Variants in ADAP2 observed in about 807,000 individuals in gnomAD.
ADAP2 encodes the protein ArfGAP with dual PH domains 2, also known as arf-GAP with dual PH domain-containing protein 2.
ADAP2 carries 42 observed loss-of-function variants against 54.9 expected under a neutral mutation model. The observed-to-expected ratio is 0.77, with a 90% CI of 0.60 to 0.99. The LOEUF (loss-of-function observed/expected upper bound fraction) is 0.99. ADAP2 is among the 50% of genes least tolerant of loss of function. The probability of loss-of-function intolerance (pLI) is 0.00; values close to 1 mark genes in which losing one functional copy is unlikely to be tolerated. For synonymous variants in ADAP2, 177 were observed against 180.1 expected, an observed-to-expected ratio of 0.98 and a Z score of 0.14; for missense variants, 429 against 480.4, an observed-to-expected ratio of 0.89 and a Z score of 1.00.
chr17:30,925,906 T>G (rs1014737831), intron 2 of ADAP2, among the ~76,000 whole-genome samples: 2 of 152,042 alleles, frequency 1.3e-5, no homozygotes, highest in Non-Finnish European at 2.9e-5. Flanking sequence ...AATTTTTGTA[T>G]TTTTTTAGTA....
At position 30,926,981 on chromosome 17, in the gene ADAP2, C is replaced by T. The variant is rs932317876; in HGVS notation, c.317+63C>T. On this transcript the variant is annotated intron_variant, in intron 3 of 10. Coordinates refer to ENST00000330889, the MANE Select transcript of ADAP2 (RefSeq NM_018404.3). The stretch of plus-strand genomic sequence containing the variant: ...TGTCCTGGTTCCACCTCCTCCCCCT[C>T]TCCATCTTTGGTGTCTTCATCTGTG... The T allele has an allele frequency of 3.1e-6, 4 of 1,310,156 alleles. No individual in the cohort carries two copies. The Admixed American group carries it at 7.2e-5, about 24-fold the overall frequency. The allele number at this position is 1,310,156 out of a possible 1,614,324, so 81.2% of individuals were successfully genotyped here.
At chr17:30,922,897 C>T (rs373719879) in intron 1 of ADAP2, 43 bp from the exon 2 acceptor site, 15 of 1,601,878 alleles carry the variant, frequency 9.4e-6, no homozygotes, top group Non-Finnish European at 8.5e-6. Flanking sequence ...GGTTTCTTCA[C>T]CGCGCTTTCC....
chr17:30,935,121 C>G (rs1010761553), intron 5 of ADAP2, among the ~76,000 whole-genome samples: 2 of 152,094 alleles, frequency 1.3e-5, no homozygotes, highest in Non-Finnish European at 2.9e-5. Flanking sequence ...AATCCCAGCA[C>G]TTTGGGAGGC....
chr17:30,940,506 T>C (rs1315727113), intron 5 of ADAP2, among the ~76,000 whole-genome samples: 1 of 152,102 alleles, frequency 6.6e-6, no homozygotes, highest in Non-Finnish European at 1.5e-5. Flanking sequence ...GGTTTCACCA[T>C]GTTGGCCAGG....
rs1223929619 is a variant in ADAP2, at chr17:30,939,982, G to T, written c.511-4925G>T. On this transcript the variant is annotated intron_variant, in intron 5 of 10. Coordinates refer to ENST00000330889, the MANE Select transcript of ADAP2 (RefSeq NM_018404.3). The stretch of plus-strand genomic sequence containing the variant: ...TTTGTTTTTTTATGCTGTTTTCTGA[G>T]ACAGGGTCTTGCTCTTTCACCAAGG... Among the ~76,000 whole-genome samples, 3 of 151,964 alleles carry T rather than the reference G, an allele frequency of 2.0e-5. No individual in the cohort carries two copies. The East Asian group carries it at 5.8e-4, about 29-fold the overall frequency.
intron 4 of ADAP2, 27 bp from the exon 5 acceptor site, chr17:30,934,158 C>T (rs1413712032): frequency 6.3e-7 from 1 of 1,585,074 alleles, no homozygotes; most frequent in South Asian, 1.1e-5. Context: ...CACGTGTGTT[C>T]ACGCTTTGTC....
In ADAP2 at chr17:30,956,399, G is replaced by T. The variant is rs752841455; in HGVS notation, c.1041G>T (p.Lys347Asn). The T allele has an allele frequency of 1.2e-6, 2 of 1,614,218 alleles. No homozygotes were observed. The highest frequency in any genetic ancestry group is 2.7e-5 in the African/African-American group (2 of 75,052). Residue 347 changes from lysine to asparagine, a missense_variant, in exon 10 of 11, where the codon AAG becomes AAT. Coordinates refer to ENST00000330889, the MANE Select transcript of ADAP2 (RefSeq NM_018404.3). Reference sequence around the variant, plus strand: ...TTGTCCTCACTTGCCCCAGTGAGAAGGAACAGCAGGAATGGCTGGAAAGTT... The same window carrying T: ...TTGTCCTCACTTGCCCCAGTGAGAATGAACAGCAGGAATGGCTGGAAAGTT... ...RRFVLTCPSE[K>N]EQQEWLESLR...
At chr17:30,941,549 C>G (rs1342996680) in intron 5 of ADAP2, among the ~76,000 whole-genome samples, 1 of 152,164 alleles carries the variant, frequency 6.6e-6, no homozygotes, top group Non-Finnish European at 1.5e-5. Flanking sequence ...GATGTCGTAT[C>G]CTTCTTAGTG....
At chr17:30,924,043 T>A (rs1910848189) in intron 2 of ADAP2, among the ~76,000 whole-genome samples, 1 of 152,076 alleles carries the variant, frequency 6.6e-6, no homozygotes, top group Admixed American at 6.6e-5. Flanking sequence ...AAGATGATTG[T>A]AGGCTCAGTC....
chr17:30,953,500 C>A, intron 8 of ADAP2, 150 bp downstream of exon 8: 1 of 720,510 alleles, frequency 1.4e-6, no homozygotes, highest in Non-Finnish European at 2.3e-6. Context: ...CAACCCAGGA[C>A]GGCTTGGAAT....
chr17:30,945,061 G>T lies in ADAP2; in HGVS notation c.657+8G>T, dbSNP rs751317855. The T allele has an allele frequency of 6.2e-7, 1 of 1,612,992 alleles. No homozygotes were observed. The highest frequency in any genetic ancestry group is 8.5e-7 in the Non-Finnish European group (1 of 1,179,646). ...TATCATGAAAGTGGGAAGGTGAGATGCCTGGAGTTGCCACCTCCGCCTCCA... is the reference window on the plus strand; with the variant it reads ...TATCATGAAAGTGGGAAGGTGAGATTCCTGGAGTTGCCACCTCCGCCTCCA... On this transcript the variant is annotated splice_region_variant and intron_variant, in intron 6 of 10. Transcript: ENST00000330889.
At chr17:30,952,028 C>G (rs756261733) in intron 7 of ADAP2, among the ~76,000 whole-genome samples, 49 of 152,186 alleles carry the variant, frequency 3.2e-4, no homozygotes, top group Non-Finnish European at 6.3e-4. Context: ...CCTCACTTCC[C>G]CTGTGCCTCT....
chr17:30,951,177 C>T (rs1190477796), intron 7 of ADAP2, among the ~76,000 whole-genome samples: 1 of 152,142 alleles, frequency 6.6e-6, no homozygotes, highest in Non-Finnish European at 1.5e-5. Flanking sequence ...GGTTTTGTCG[C>T]CATGGTGACA....
chr17:30,933,310 C>A (rs1322416321), intron 4 of ADAP2, among the ~76,000 whole-genome samples: 4 of 151,998 alleles, frequency 2.6e-5, no homozygotes, highest in Non-Finnish European at 5.9e-5. Context: ...GCCTCAGTCT[C>A]CCGAGTAGCT....
rs963813526 is a variant in ADAP2, at chr17:30,922,989, C to T, written c.144C>T (p.Cys48=). 3 of 1,614,032 alleles carry T rather than the reference C, an allele frequency of 1.9e-6. No individual in the cohort carries two copies. Among genetic ancestry groups the T allele is most frequent in the Non-Finnish European group, 1.7e-6 (2 of 1,179,992 alleles). The change falls in exon 2 of 11, where the codon TGC becomes TGT. Residue 48 remains cysteine (C), a synonymous_variant. Transcript: ENST00000330889. ...TGGGGATCTTCATCTGTCTCAACTG[C>T]TGCGGCGTCCACCGTAACTTCCCTG... The part of the protein sequence containing the change: ...YKLGIFICLN[C]CGVHRNFPDI...
At chr17:30,932,072 G>C in intron 4 of ADAP2, 104 bp downstream of exon 4, 1 of 1,082,178 alleles carries the variant, frequency 9.2e-7, no homozygotes, top group Non-Finnish European at 1.4e-6. Context: ...GATGCCTGCT[G>C]TTCTCACTGT....
At chr17:30,922,821 C>T (rs1910736351) in intron 1 of ADAP2, 119 bp from the exon 2 acceptor site, 3 of 1,199,734 alleles carry the variant, frequency 2.5e-6, no homozygotes, top group South Asian at 2.9e-5. Flanking sequence ...GCCAGGCTGG[C>T]CGCTTAGTTC....
chr17:30,944,760 A>G, intron 5 of ADAP2, 147 bp from the exon 6 acceptor site: 1 of 850,526 alleles, frequency 1.2e-6, no homozygotes, highest in Non-Finnish European at 1.8e-6. Context: ...GCGTCCGGCC[A>G]GTATCTGAAT....
chr17:30,922,151 AC>A, intron 1 of ADAP2, 43 bp downstream of exon 1: 1 of 1,204,186 alleles, frequency 8.3e-7, no homozygotes, highest in Non-Finnish European at 1.0e-6. Flanking sequence ...CCCCGGCCGG[AC>A]CCCAGGCCCA....
Sources: gnomAD v4.1 joint callset for allele counts (sites outside exome capture counted in the v4.1 genomes callset) on GRCh38, gnomAD v4.1.1 for gene constraint, MANE v1.5 for transcripts, NCBI Gene and HGNC (gene_info 2026-07-23, HGNC 2026-07-21) for gene names.